Variants in CDK15 observed in about 807,000 individuals in gnomAD.
CDK15 encodes the protein cyclin-dependent kinase 15.
A neutral mutation model predicts 60.3 loss-of-function variants in CDK15; 62 were observed. The observed-to-expected ratio is 1.03, with a 90% CI of 0.84 to 1.27. CDK15 has a LOEUF of 1.27. Ranked by LOEUF, CDK15 falls within the 50% of genes most tolerant of loss-of-function variation. The pLI, the probability that CDK15 is intolerant of heterozygous loss-of-function variation, is 0.00. For synonymous variants in CDK15, 194 were observed against 195.7 expected, an observed-to-expected ratio of 0.99 and a Z score of 0.07; for missense variants, 541 against 527.8, an observed-to-expected ratio of 1.03 and a Z score of -0.25.
intron 11 of CDK15, among the ~76,000 whole-genome samples, chr2:201,873,331 T>A (rs1698931644): frequency 1.3e-5 from 2 of 152,222 alleles, no homozygotes; most frequent in Non-Finnish European, 2.9e-5. Context: ...CTGTATAACC[T>A]GAAACCTTTT....
At chr2:201,889,936 G>A (rs1699586123) in intron 12 of CDK15, among the ~76,000 whole-genome samples, 1 of 151,488 alleles carries the variant, frequency 6.6e-6, no homozygotes. Context: ...TGTAGTCCCA[G>A]CTACTGCGAG....
At chr2:201,806,905 A>T (rs1264717294) in intron 1 of CDK15, 118 bp downstream of exon 1, 1 of 1,183,468 alleles carries the variant, frequency 8.4e-7, no homozygotes, top group African/African-American at 1.5e-5. Flanking sequence ...TAAAATGAAA[A>T]TTCTATTAAA....
intron 6 of CDK15, among the ~76,000 whole-genome samples, chr2:201,830,216 C>T (rs1259851645): frequency 1.3e-5 from 2 of 152,130 alleles, no homozygotes; most frequent in Non-Finnish European, 2.9e-5. Context: ...TCTGGGATTA[C>T]ACGTGTGAGT....
intron 8 of CDK15, among the ~76,000 whole-genome samples, chr2:201,840,970 C>T (rs570401283): frequency 7.9e-5 from 12 of 152,318 alleles, no homozygotes; most frequent in Non-Finnish European, 1.6e-4. Context: ...ATTCTATTCT[C>T]TCTCTGTAGA....
intron 10 of CDK15, chr2:201,860,947 A>G: frequency 1.6e-6 from 2 of 1,270,602 alleles, no homozygotes; most frequent in Non-Finnish European, 1.0e-6. Context: ...TTTGGGCTCA[A>G]TGAGTTCTGA....
intron 8 of CDK15, among the ~76,000 whole-genome samples, chr2:201,836,588 G>A (rs1697100583): frequency 6.6e-6 from 1 of 151,678 alleles, no homozygotes; most frequent in African/African-American, 2.4e-5. Flanking sequence ...ACTGCACCCT[G>A]GCAATCTCAT....
chr2:201,833,408 G>C (rs1289957416), intron 6 of CDK15, among the ~76,000 whole-genome samples: 1 of 151,998 alleles, frequency 6.6e-6, no homozygotes, highest in Admixed American at 6.6e-5. Context: ...TTTCATATTG[G>C]AGAGCCTGGA....
intron 8 of CDK15, among the ~76,000 whole-genome samples, chr2:201,842,165 C>G (rs1178574425): frequency 6.6e-6 from 1 of 152,120 alleles, no homozygotes; most frequent in African/African-American, 2.4e-5. Context: ...CTCCTCAGTC[C>G]CTGGTAACCA....
chr2:201,826,222 A>T (rs1481738687), intron 6 of CDK15, among the ~76,000 whole-genome samples: 1 of 152,156 alleles, frequency 6.6e-6, no homozygotes, highest in Non-Finnish European at 1.5e-5. Flanking sequence ...GCACTTTGGG[A>T]GGCCGAGGCG....
At chr2:201,835,979 TA>T (rs1276191235) in intron 8 of CDK15, among the ~76,000 whole-genome samples, 1 of 50,190 alleles carries the variant, frequency 2.0e-5, no homozygotes, top group Non-Finnish European at 4.6e-5. Flanking sequence ...TATATTTATA[TA>T]TTTTTATATA....
chr2:201,891,749 T>C (rs1030385432), intron 13 of CDK15, among the ~76,000 whole-genome samples: 5 of 152,168 alleles, frequency 3.3e-5, no homozygotes, highest in Admixed American at 6.5e-5. Context: ...TGGTGGTAGA[T>C]GGGACAGCAA....
chr2:201,886,755 C>T (rs1574944264), intron 12 of CDK15, among the ~76,000 whole-genome samples: 1 of 152,044 alleles, frequency 6.6e-6, no homozygotes, highest in Admixed American at 6.6e-5. Flanking sequence ...CAAGAGGAAA[C>T]AAAAAGAGCA....
intron 7 of CDK15, among the ~76,000 whole-genome samples, chr2:201,834,843 C>G (rs1696936049): frequency 6.6e-6 from 1 of 152,196 alleles, no homozygotes; most frequent in Non-Finnish European, 1.5e-5. Context: ...GACATGTAAG[C>G]ATTTAACAGA....
intron 8 of CDK15, among the ~76,000 whole-genome samples, chr2:201,837,501 AGG>A (rs1283428580): frequency 3.4e-5 from 5 of 148,610 alleles, no homozygotes; most frequent in Admixed American, 2.0e-4. Context: ...GAAGGAAGGA[AGG>A]AAGGAAGGAA....
At chr2:201,836,587 T>C (rs1221797778) in intron 8 of CDK15, among the ~76,000 whole-genome samples, 2 of 151,816 alleles carry the variant, frequency 1.3e-5, no homozygotes, top group Non-Finnish European at 2.9e-5. Context: ...CACTGCACCC[T>C]GGCAATCTCA....
At position 201,893,880 on chromosome 2, in the gene CDK15, A is replaced by G. The variant is rs1231132920; in HGVS notation, c.*613A>G. On this transcript the variant is annotated 3_prime_UTR_variant, in exon 14 of 14. Transcript: ENST00000652192. ...GATTATCAGAACGTATTACCACCCA[A>G]CCCATATTTTAGAAGTTTGGATTTG... is the stretch of plus-strand genomic sequence containing the variant. 2 of 152,090 alleles carry G rather than the reference A, an allele frequency of 1.3e-5. No individual in the cohort carries two copies. Among genetic ancestry groups the G allele is most frequent in the East Asian group, 3.9e-4 (2 of 5,192 alleles). The allele number at this position is 152,090 out of a possible 1,614,324, so 9.4% of individuals were successfully genotyped here.
chr2:201,858,528 T>C (rs1698245982), intron 10 of CDK15, among the ~76,000 whole-genome samples: 1 of 152,098 alleles, frequency 6.6e-6, no homozygotes, highest in African/African-American at 2.4e-5. Flanking sequence ...GCCAGTTGTC[T>C]TATTTTGATG....
chr2:201,865,502 G>A (rs1698584044), intron 10 of CDK15, among the ~76,000 whole-genome samples: 2 of 152,178 alleles, frequency 1.3e-5, no homozygotes, highest in African/African-American at 4.8e-5. Context: ...CTACAAATAT[G>A]AGTTGGAGGA....
intron 11 of CDK15, among the ~76,000 whole-genome samples, chr2:201,878,878 T>C (rs544298225): frequency 4.6e-5 from 7 of 152,302 alleles, no homozygotes; most frequent in Admixed American, 4.6e-4. Context: ...GTTCCCATTT[T>C]CTAATACTAT....
Sources: gnomAD v4.1 joint callset for allele counts (sites outside exome capture counted in the v4.1 genomes callset) on GRCh38, gnomAD v4.1.1 for gene constraint, MANE v1.5 for transcripts, NCBI Gene and HGNC (gene_info 2026-07-23, HGNC 2026-07-21) for gene names.